The following FAM124A variants were observed in gnomAD, a reference collection of about 807,000 sequenced individuals.
The protein encoded by FAM124A is family with sequence similarity 124 member A.
A neutral mutation model predicts 24.5 loss-of-function variants in FAM124A; 23 were observed. The ratio of observed to expected loss-of-function variants is 0.94; its 90% CI spans 0.68 to 1.33. The LOEUF (loss-of-function observed/expected upper bound fraction) is 1.33, where lower values mean the gene tolerates loss of function less well. Among genes scored for constraint, FAM124A ranks in the 40% most tolerant of loss-of-function variants. The pLI is 0.00. For missense variants in FAM124A, 623 were observed against 722.8 expected (o/e 0.86, Z 1.58); for synonymous variants, 287 against 314.7 (o/e 0.91, Z 0.93).
intron 1 of FAM124A, 66 bp downstream of exon 1, chr13:51,222,635 G>C (rs893023453): frequency 8.3e-7 from 1 of 1,199,666 alleles, no homozygotes; most frequent in Non-Finnish European, 1.0e-6. Flanking sequence ...GCTCCTCCCC[G>C]GACGGGGACC....
chr13:51,264,320 G>T (rs1422954200), intron 3 of FAM124A, among the ~76,000 whole-genome samples: 1 of 152,152 alleles, frequency 6.6e-6, no homozygotes, highest in East Asian at 1.9e-4. Flanking sequence ...CCATTATCCT[G>T]TAGGATTCCT....
chr13:51,271,790 G>A (rs945332109), intron 3 of FAM124A, among the ~76,000 whole-genome samples: 2 of 152,140 alleles, frequency 1.3e-5, no homozygotes, highest in African/African-American at 2.4e-5. Flanking sequence ...TTCTAATGAC[G>A]GTGTGGGTGG....
At chr13:51,257,270 C>T (rs1954685206) in intron 3 of FAM124A, among the ~76,000 whole-genome samples, 1 of 152,222 alleles carries the variant, frequency 6.6e-6, no homozygotes, top group Non-Finnish European at 1.5e-5. Context: ...ACACTGTTCT[C>T]CATAGCAGCT....
At chr13:51,256,341 C>T (rs1295539566) in intron 3 of FAM124A, among the ~76,000 whole-genome samples, 1 of 152,174 alleles carries the variant, frequency 6.6e-6, no homozygotes, top group Non-Finnish European at 1.5e-5. Flanking sequence ...GGAAGACGCT[C>T]ACCACTATCC....
rs770263485 is a variant in FAM124A, at chr13:51,280,884, G to A, written c.1269G>A (p.Ser423=). The part of the protein sequence containing the change: ...DVDTGLRLSS[S]DLSVVSAYSA... Reference sequence around the variant, plus strand: ...ACACAGGCCTGCGGCTGTCCTCATCGGACCTGTCTGTGGTCTCTGCATATT... The same window carrying A: ...ACACAGGCCTGCGGCTGTCCTCATCAGACCTGTCTGTGGTCTCTGCATATT... The change falls in exon 4 of 4, where the codon TCG becomes TCA. Residue 423 remains serine (S), a synonymous_variant. Transcript: ENST00000322475. The A allele has an allele frequency of 5.0e-6, 8 of 1,614,100 alleles. No individual in the cohort carries two copies. Among genetic ancestry groups the A allele is most frequent in the African/African-American group, 1.3e-5 (1 of 75,030 alleles).
Position 51,281,993 on chromosome 13 carries a change from AC to A in FAM124A, c.*738del, listed in dbSNP as rs149684175. 1 of 152,282 alleles carries A rather than the reference AC, an allele frequency of 6.6e-6. No homozygotes were observed. Among genetic ancestry groups the A allele is most frequent in the East Asian group, 1.9e-4 (1 of 5,186 alleles). The allele number at this position is 152,282 out of a possible 1,614,324, so 9.4% of individuals were successfully genotyped here. ...ATACACCTTTTCAACAGCACATTTC[AC>A]TGGAATGGATGAGGGGCTTCTGAAG... On this transcript the variant is annotated 3_prime_UTR_variant, in exon 4 of 4. Coordinates refer to ENST00000322475, the MANE Select transcript of FAM124A (RefSeq NM_001242312.2).
chr13:51,277,598 T>C (rs1954896641), intron 3 of FAM124A, among the ~76,000 whole-genome samples: 2 of 152,262 alleles, frequency 1.3e-5, no homozygotes, highest in South Asian at 4.1e-4. Context: ...ATTGAGACCA[T>C]CCTGGCTAAC....
intron 2 of FAM124A, among the ~76,000 whole-genome samples, chr13:51,241,166 A>C (rs1276297987): frequency 6.6e-6 from 1 of 152,234 alleles, no homozygotes; most frequent in East Asian, 1.9e-4. Flanking sequence ...TCAGAAATTC[A>C]ATTACTAAGT....
rs537587337 is a variant in FAM124A, at chr13:51,241,972, A to G, written c.101-9496A>G. Among the ~76,000 whole-genome samples, 36 of 152,354 alleles carry G rather than the reference A, an allele frequency of 2.4e-4. 1 individual carries two copies. In the South Asian group the frequency reaches 6.0e-3, roughly 25 times the overall value. On this transcript the variant is annotated intron_variant, in intron 2 of 3. Coordinates refer to ENST00000322475, the MANE Select transcript of FAM124A (RefSeq NM_001242312.2). ...TCCCTTTTTAAGATAAATCTTGACT[A>G]ATATAATTGTAAGGATTCCTCCCAC...
At position 51,222,585 on chromosome 13, in the gene FAM124A, C is replaced by T; in HGVS notation, c.68+16C>T. On this transcript the variant is annotated intron_variant, in intron 1 of 3. Transcript: ENST00000322475. Reference sequence around the variant, plus strand: ...AGACCGGAGGGTGAGCCGCGCCGGGCCGGGCCGCGGGCGGGGGGCGCTCTC... The same window carrying T: ...AGACCGGAGGGTGAGCCGCGCCGGGTCGGGCCGCGGGCGGGGGGCGCTCTC... 1 of 1,222,332 alleles carries T rather than the reference C, an allele frequency of 8.2e-7. No individual in the cohort carries two copies. Among genetic ancestry groups the T allele is most frequent in the Admixed American group, 4.3e-5 (1 of 23,176 alleles). 75.7% of individuals were successfully genotyped at this position (1,222,332 alleles called of 1,614,324 possible). A position where few individuals can be genotyped will look rare whatever the true frequency, so the allele number is the denominator to read the frequency against.
chr13:51,247,537 G>C (rs1954576285), intron 2 of FAM124A, among the ~76,000 whole-genome samples: 1 of 152,138 alleles, frequency 6.6e-6, no homozygotes, highest in African/African-American at 2.4e-5. Context: ...CCTGGGGGTG[G>C]GATTAGGACC....
At chr13:51,246,862 G>C (rs1206576833) in intron 2 of FAM124A, among the ~76,000 whole-genome samples, 1 of 152,242 alleles carries the variant, frequency 6.6e-6, no homozygotes, top group East Asian at 1.9e-4. Flanking sequence ...CTCCACTGGA[G>C]AGTCTCAGAA....
intron 2 of FAM124A, among the ~76,000 whole-genome samples, chr13:51,232,175 A>G (rs1042697286): frequency 6.6e-6 from 1 of 152,224 alleles, no homozygotes; most frequent in Non-Finnish European, 1.5e-5. Context: ...GTTATTAAAA[A>G]GGTGCTTATA....
At chr13:51,257,548 T>C (rs1954688154) in intron 3 of FAM124A, among the ~76,000 whole-genome samples, 1 of 152,222 alleles carries the variant, frequency 6.6e-6, no homozygotes, top group African/African-American at 2.4e-5. Flanking sequence ...CTTTCAAGAT[T>C]CAGAGTTTCC....
chr13:51,241,068 C>T (rs908987266), intron 2 of FAM124A, among the ~76,000 whole-genome samples: 1 of 152,198 alleles, frequency 6.6e-6, no homozygotes, highest in South Asian at 2.1e-4. Context: ...GCTCAGAAAG[C>T]CTTTTCTGTC....
chr13:51,265,459 G>A (rs888431604), intron 3 of FAM124A, among the ~76,000 whole-genome samples: 1 of 152,162 alleles, frequency 6.6e-6, no homozygotes, highest in Non-Finnish European at 1.5e-5. Flanking sequence ...TTCAGAGCAT[G>A]AAGAAATGGC....
chr13:51,266,443 C>T (rs1349044455), intron 3 of FAM124A, among the ~76,000 whole-genome samples: 1 of 152,098 alleles, frequency 6.6e-6, no homozygotes, highest in African/African-American at 2.4e-5. Context: ...AGCAGGGACT[C>T]AGTAATGCTC....
chr13:51,265,388 C>G (rs150693319), intron 3 of FAM124A, among the ~76,000 whole-genome samples: 36 of 151,718 alleles, frequency 2.4e-4, no homozygotes, highest in Admixed American at 2.4e-3. Context: ...CTAGTGAGAG[C>G]TGAGCAGCTG....
intron 3 of FAM124A, among the ~76,000 whole-genome samples, chr13:51,263,689 C>T (rs1382433392): frequency 6.6e-6 from 1 of 152,168 alleles, no homozygotes; most frequent in African/African-American, 2.4e-5. Flanking sequence ...TGGGAATTTC[C>T]TATAATCCCA....
Sources: allele counts gnomAD v4.1 joint callset (sites outside exome capture counted in the v4.1 genomes callset), GRCh38; gene constraint gnomAD v4.1.1; transcripts MANE v1.5; gene names NCBI Gene and HGNC (gene_info 2026-07-23, HGNC 2026-07-21).